ZHX3: variants seen among roughly 807,000 people sequenced by gnomAD.
The protein encoded by ZHX3 is zinc fingers and homeoboxes protein 3.
In ZHX3, 20 loss-of-function variants were observed where a neutral mutation model predicts 64.5. That is an observed-to-expected ratio of 0.31 (90% CI 0.22 to 0.45). ZHX3 has a LOEUF of 0.45. Ranked by LOEUF, ZHX3 falls within the 20% of genes least tolerant of loss-of-function variation. The pLI is 1.00. For missense variants in ZHX3, 1,041 were observed against 1,195.8 expected (o/e 0.87, Z 1.91); for synonymous variants, 423 against 461.6 (o/e 0.92, Z 1.07).
At chr20:41,307,535 A>G (rs559862059) in intron 1 of ZHX3, among the ~76,000 whole-genome samples, 1 of 152,190 alleles carries the variant, frequency 6.6e-6, no homozygotes, top group Admixed American at 6.5e-5. Context: ...GCTTCCATAA[A>G]AGCCCTTCTC....
chr20:41,256,880 T>A (rs2042284744), intron 2 of ZHX3, among the ~76,000 whole-genome samples: 2 of 151,920 alleles, frequency 1.3e-5, no homozygotes, highest in Non-Finnish European at 2.9e-5. Context: ...AGCGTCCACA[T>A]CATCTAAATA....
At position 41,202,266 on chromosome 20, in the gene ZHX3, G is replaced by C. The variant is rs898522399; in HGVS notation, c.2651C>G (p.Ala884Gly). The change falls in exon 3 of 4, where the codon GCT becomes GGT. Residue 884 changes from alanine to glycine, a missense_variant. Physicochemically the swap from Ala to Gly is moderately conservative, Grantham distance 60. Transcript: ENST00000683867. This position sits in a 1 kb window ranked among gnomAD's most constrained non-coding sequence, Gnocchi z 7.0. ...MSSQQVKQWF[A>G]EKMGEETRAV... ...TCTGGTCTCCTCCCCCATTTTCTCAGCAAACCACTGCTTGACCTGCTGGGA... is the reference window on the plus strand; with the variant it reads ...TCTGGTCTCCTCCCCCATTTTCTCACCAAACCACTGCTTGACCTGCTGGGA... 1 of 1,613,980 alleles carries C rather than the reference G, an allele frequency of 6.2e-7. No homozygotes were observed. The highest frequency in any genetic ancestry group is 1.3e-5 in the African/African-American group (1 of 74,890).
At chr20:41,206,706 C>T (rs145097360) in intron 2 of ZHX3, among the ~76,000 whole-genome samples, 1,759 of 152,240 alleles carry the variant, frequency 0.012, 42 homozygotes, top group African/African-American at 0.041. Context: ...GAGAATGGAA[C>T]CAAGTTGGAA....
At chr20:41,189,962 A>ATTC (rs2036864404) in intron 3 of ZHX3, among the ~76,000 whole-genome samples, 1 of 150,104 alleles carries the variant, frequency 6.7e-6, no homozygotes, top group Non-Finnish European at 1.5e-5. Flanking sequence ...CTGTGGGTTT[A>ATTC]TTTATGGCCT....
In ZHX3 at chr20:41,224,756, C is replaced by A. The variant is rs971893661; in HGVS notation, c.-150-19690G>T. ...AACAGAGGACTTCTGAGCTATCTTC[C>A]CCTTTGCCTCTTTGAAATCTACCTT... On this transcript the variant is annotated intron_variant, in intron 2 of 3. Coordinates refer to ENST00000683867, the MANE Select transcript of ZHX3 (RefSeq NM_001384317.1). This position sits in a 1 kb window ranked among gnomAD's most constrained non-coding sequence, Gnocchi z 5.2. 6.6e-6 allele frequency among the ~76,000 whole-genome samples: 1 copy of A among 152,196 alleles called. No homozygotes were observed. Among genetic ancestry groups the A allele is most frequent in the African/African-American group, 2.4e-5 (1 of 41,446 alleles).
intron 1 of ZHX3, among the ~76,000 whole-genome samples, chr20:41,295,564 A>G (rs1451126069): frequency 6.6e-6 from 1 of 152,228 alleles, no homozygotes; most frequent in Non-Finnish European, 1.5e-5. Flanking sequence ...CAATACTTTT[A>G]TAATAAATTT....
intron 2 of ZHX3, among the ~76,000 whole-genome samples, chr20:41,255,070 C>T (rs1286483196): frequency 1.3e-5 from 2 of 152,050 alleles, no homozygotes; most frequent in Admixed American, 1.3e-4. Context: ...TATAGCCACC[C>T]TACTAGAGTT....
intron 3 of ZHX3, among the ~76,000 whole-genome samples, chr20:41,199,702 C>CT (rs34316877): frequency 0.02 from 2,786 of 136,670 alleles, 53 homozygotes; most frequent in Admixed American, 0.055. Flanking sequence ...TCAAAAAACT[C>CT]TTTTTTTTTT....
At chr20:41,194,032 T>C (rs2037278565) in intron 3 of ZHX3, among the ~76,000 whole-genome samples, 1 of 152,172 alleles carries the variant, frequency 6.6e-6, no homozygotes, top group African/African-American at 2.4e-5. Context: ...ATGTCATCTG[T>C]GAACAAAGAT....
At chr20:41,197,999 C>CTTT (rs11478855) in intron 3 of ZHX3, among the ~76,000 whole-genome samples, 210 of 110,362 alleles carry the variant, frequency 1.9e-3, no homozygotes, top group Non-Finnish European at 2.5e-3. Flanking sequence ...AACTAGTGCT[C>CTTT]TTTTTTTTTT....
chr20:41,204,620 C>G lies in ZHX3; in HGVS notation c.297G>C (p.Glu99Asp). 1 of 1,614,240 alleles carries G rather than the reference C, an allele frequency of 6.2e-7. No homozygotes were observed. The highest frequency in any genetic ancestry group is 8.5e-7 in the Non-Finnish European group (1 of 1,180,048). ...MTQFVGHMNSEHTDFNKDPTF... is the reference protein window; with the variant it reads ...MTQFVGHMNSDHTDFNKDPTF... ...TTGGGTCTTTATTAAAGTCTGTGTG[C>G]TCTGAGTTCATATGTCCCACAAATT... Residue 99 changes from glutamate to aspartate, a missense_variant, in exon 3 of 4, where the codon GAG (glutamate) becomes GAC (aspartate). Glu to Asp is a conservative substitution (Grantham distance 45). Coordinates refer to ENST00000683867, the MANE Select transcript of ZHX3 (RefSeq NM_001384317.1). The surrounding 1 kb of genome is among the most constrained non-coding windows in gnomAD (Gnocchi z 6.6).
chr20:41,218,993 G>T (rs927693193), intron 2 of ZHX3, among the ~76,000 whole-genome samples: 4 of 146,242 alleles, frequency 2.7e-5, no homozygotes, highest in African/African-American at 1.0e-4. Context: ...GCAGTGGCGC[G>T]ATCTCGGCTC....
chr20:41,295,103 A>G (rs2044440772), intron 1 of ZHX3, among the ~76,000 whole-genome samples: 1 of 152,166 alleles, frequency 6.6e-6, no homozygotes, highest in African/African-American at 2.4e-5. Flanking sequence ...TCCTTGATGT[A>G]GCTTCAGAGT....
Position 41,232,131 on chromosome 20 carries a change from T to C in ZHX3, c.-150-27065A>G, listed in dbSNP as rs2040646961. ...GTTGGAAAATGAGATTTATGGGTAA[T>C]GGCCACAGAAACGAAGACAATTTTG... is the stretch of plus-strand genomic sequence containing the variant. On this transcript the variant is annotated intron_variant, in intron 2 of 3. Coordinates refer to ENST00000683867, the MANE Select transcript of ZHX3 (RefSeq NM_001384317.1). This position sits in a 1 kb window ranked among gnomAD's most constrained non-coding sequence, Gnocchi z 5.0. 6.6e-6 allele frequency among the ~76,000 whole-genome samples: 1 copy of C among 152,008 alleles called. No homozygotes were observed. The highest frequency in any genetic ancestry group is 2.1e-4 in the South Asian group (1 of 4,816).
chr20:41,213,115 T>C (rs2039282708), intron 2 of ZHX3, among the ~76,000 whole-genome samples: 1 of 152,222 alleles, frequency 6.6e-6, no homozygotes, highest in African/African-American at 2.4e-5. Flanking sequence ...TGTCACATAC[T>C]GTATGATTCC....
intron 1 of ZHX3, among the ~76,000 whole-genome samples, chr20:41,310,584 AAT>A (rs2045101990): frequency 6.6e-6 from 1 of 152,118 alleles, no homozygotes; most frequent in Admixed American, 6.5e-5. Context: ...TATGCTGGTG[AAT>A]ATCTTTCTAG....
intron 2 of ZHX3, among the ~76,000 whole-genome samples, chr20:41,211,504 A>T (rs1198608612): frequency 6.6e-6 from 1 of 152,210 alleles, no homozygotes; most frequent in Admixed American, 6.5e-5. Context: ...AATTATAAAG[A>T]TAAAATGTAA....
At chr20:41,231,949 T>C (rs931276877) in intron 2 of ZHX3, among the ~76,000 whole-genome samples, 1 of 152,182 alleles carries the variant, frequency 6.6e-6, no homozygotes, top group African/African-American at 2.4e-5. Context: ...ATGATAGTGA[T>C]TGGCCTGGAG....
rs1199486741 is a variant in ZHX3 at position 41,212,827 on chromosome 20, C to CA, written c.-150-7762dup. On this transcript the variant is annotated intron_variant, in intron 2 of 3. Transcript: ENST00000683867. The surrounding 1 kb of genome is among the most constrained non-coding windows in gnomAD (Gnocchi z 4.3). ...AAAAAAAACCAAAAACAAAACAAAA[C>CA]AAAAAAAACAAAACACCAGCAATTT... 3.4e-5 allele frequency among the ~76,000 whole-genome samples: 5 copies of CA among 148,852 alleles called. No homozygotes were observed. The highest frequency in any genetic ancestry group is 3.9e-4 in the East Asian group (2 of 5,104).
Sources: allele counts gnomAD v4.1 joint callset (sites outside exome capture counted in the v4.1 genomes callset), GRCh38; gene constraint gnomAD v4.1.1; non-coding constraint Gnocchi (gnomAD v3.1); transcripts MANE v1.5; gene names NCBI Gene and HGNC (gene_info 2026-07-23, HGNC 2026-07-21).